NSF: variants seen among roughly 807,000 people sequenced by gnomAD.
NSF encodes N-ethylmaleimide sensitive factor, vesicle fusing ATPase.
Under a neutral mutation model 50.3 loss-of-function variants are expected in NSF, and 14 were observed. That is an observed-to-expected ratio of 0.28 (90% CI 0.18 to 0.44). The LOEUF is 0.44. Ranked by LOEUF, NSF falls within the 20% of genes least tolerant of loss-of-function variation. The pLI is 1.00. For synonymous variants in NSF, 109 were observed against 175.7 expected (o/e 0.62, Z 3.00); for missense variants, 218 against 504.3 (o/e 0.43, Z 5.44).
At chr17:46,711,165 G>T in intron 14 of NSF, 46 bp downstream of exon 14, 1 of 1,446,302 alleles carries the variant, frequency 6.9e-7, no homozygotes, top group Non-Finnish European at 9.1e-7. Flanking sequence ...AGGAAAAAAA[G>T]CAGCATTTTT....
At position 46,635,799 on chromosome 17, in the gene NSF, G is replaced by GTGTGTGTGTGTGTT. The variant is rs1332522209; in HGVS notation, c.239-1564_239-1563insTTGTGTGTGTGTGT. On this transcript the variant is annotated intron_variant, in intron 4 of 20. Coordinates refer to ENST00000398238, the MANE Select transcript of NSF (RefSeq NM_006178.4). Reference sequence around the variant, plus strand: ...TAAATGTGTGTGTGTGTGTGTGTGTGTGTGTGTGTGTGTGTGTGTGCTCGT... The same window carrying GTGTGTGTGTGTGTT: ...TAAATGTGTGTGTGTGTGTGTGTGTGTGTGTGTGTGTGTTTGTGTGTGTGTGTGTGTGTGCTCGT... Among the ~76,000 whole-genome samples the GTGTGTGTGTGTGTT allele has an allele frequency of 1.5e-3, 210 of 140,510 alleles. 17 individuals are homozygous for GTGTGTGTGTGTGTT. The highest frequency in any genetic ancestry group is 5.2e-3 in the African/African-American group (195 of 37,596). 92.2% of individuals were successfully genotyped at this position (140,510 alleles called of 152,430 possible). A position where few individuals can be genotyped will look rare whatever the true frequency, so the allele number is the denominator to read the frequency against.
In NSF at chr17:46,749,709, C is replaced by T; in HGVS notation, c.1909-64C>T. On this transcript the variant is annotated intron_variant, in intron 17 of 20. Transcript: ENST00000398238. ...AAGTCTTTTGCAAATTGTGTTCAAG[C>T]TTACTGTAGTTTCCTAATTAGTCTT... The T allele has an allele frequency of 8.4e-6, 12 of 1,434,426 alleles. No homozygotes were observed. In the Middle Eastern group the frequency reaches 1.5e-3, roughly 180 times the overall value. The allele number at this position is 1,434,426 out of a possible 1,614,324, so 88.9% of individuals were successfully genotyped here.
chr17:46,754,397 C>A (rs1251570185), intron 19 of NSF, among the ~76,000 whole-genome samples: 1 of 151,924 alleles, frequency 6.6e-6, no homozygotes, highest in Non-Finnish European at 1.5e-5. Context: ...CACATCTCCC[C>A]ACAGCTGCAC....
intron 16 of NSF, among the ~76,000 whole-genome samples, chr17:46,726,887 G>C (rs1005339050): frequency 6.6e-6 from 1 of 152,112 alleles, no homozygotes; most frequent in African/African-American, 2.4e-5. Flanking sequence ...CCTTGCCATA[G>C]TAAATGATTA....
chr17:46,720,543 C>T (rs1350695297), intron 15 of NSF, among the ~76,000 whole-genome samples: 1 of 152,148 alleles, frequency 6.6e-6, no homozygotes, highest in Non-Finnish European at 1.5e-5. Flanking sequence ...TAGCAGACAG[C>T]TAATGTTTGC....
chr17:46,708,822 ATTTTT>A (rs386627394), intron 13 of NSF, among the ~76,000 whole-genome samples: 68 of 108,902 alleles, frequency 6.2e-4, no homozygotes, highest in Non-Finnish European at 9.0e-4. Context: ...ATATATATAT[ATTTTT>A]TTTTTTTTTT....
At chr17:46,605,715 TAAA>T (rs528349065) in intron 1 of NSF, among the ~76,000 whole-genome samples, 3 of 35,974 alleles carry the variant, frequency 8.3e-5, no homozygotes, top group Admixed American at 3.0e-4. Context: ...TCCTGAAGGC[TAAA>T]AAAAAAAAAA....
intron 13 of NSF, among the ~76,000 whole-genome samples, chr17:46,707,301 C>T (rs533876979): frequency 6.6e-6 from 1 of 152,202 alleles, no homozygotes; most frequent in African/African-American, 2.4e-5. Context: ...AAGTCTTTTG[C>T]CTGTTTTTCT....
intron 1 of NSF, among the ~76,000 whole-genome samples, chr17:46,605,541 A>AT (rs2057948290): frequency 7.4e-6 from 1 of 134,758 alleles, no homozygotes; most frequent in African/African-American, 2.7e-5. Flanking sequence ...AATGAAAGCC[A>AT]TAAGACAGGG....
At chr17:46,657,363 T>C (rs540645323) in intron 8 of NSF, among the ~76,000 whole-genome samples, 34 of 152,160 alleles carry the variant, frequency 2.2e-4, no homozygotes, top group Admixed American at 7.2e-4. Flanking sequence ...ATAAAAAATA[T>C]AATGGTTTCA....
chr17:46,609,020 C>T (rs2057979037), intron 1 of NSF, among the ~76,000 whole-genome samples: 1 of 145,424 alleles, frequency 6.9e-6, no homozygotes, highest in South Asian at 2.2e-4. Context: ...ATGCCCATGA[C>T]CCAGCACTTA....
rs150841918 is a variant in NSF at position 46,746,601 on chromosome 17, T to A, written c.1909-3172T>A. ...CTATGGACTGAGTGTGTATTATAAATCTAGTGACATAAGTTTAAAACTTAT... is the reference window on the plus strand; with the variant it reads ...CTATGGACTGAGTGTGTATTATAAAACTAGTGACATAAGTTTAAAACTTAT... On this transcript the variant is annotated intron_variant, in intron 17 of 20. Coordinates refer to ENST00000398238, the MANE Select transcript of NSF (RefSeq NM_006178.4). Among the ~76,000 whole-genome samples the A allele has an allele frequency of 8.4e-3, 1,280 of 152,132 alleles. 11 individuals are homozygous for A. Among genetic ancestry groups the A allele is most frequent in the Non-Finnish European group, 0.014 (945 of 68,018 alleles).
chr17:46,708,081 A>G (rs2058674477), intron 13 of NSF, among the ~76,000 whole-genome samples: 1 of 150,844 alleles, frequency 6.6e-6, no homozygotes, highest in Non-Finnish European at 1.5e-5. Context: ...ACATGTTGTT[A>G]TCCATTCCTC....
At chr17:46,712,656 T>C (rs971081068) in intron 14 of NSF, among the ~76,000 whole-genome samples, 5 of 152,154 alleles carry the variant, frequency 3.3e-5, no homozygotes, top group Admixed American at 2.0e-4. Context: ...TGCCAGTATA[T>C]AGACTGTGGT....
intron 13 of NSF, among the ~76,000 whole-genome samples, chr17:46,708,700 G>T (rs1206296418): frequency 6.7e-6 from 1 of 148,646 alleles, no homozygotes; most frequent in African/African-American, 2.5e-5. Context: ...CACCATGTTG[G>T]CCAGGCTGGT....
chr17:46,711,128 G>A lies in NSF; in HGVS notation c.1627+9G>A. On this transcript the variant is annotated intron_variant, in intron 14 of 20. Coordinates refer to ENST00000398238, the MANE Select transcript of NSF (RefSeq NM_006178.4). Reference sequence around the variant, plus strand: ...CAGCGTGCTTCTGGAAGGTGAGAATGAATGAGGAGATGGCATTAAAAGTTA... The same window carrying A: ...CAGCGTGCTTCTGGAAGGTGAGAATAAATGAGGAGATGGCATTAAAAGTTA... 1 of 1,490,984 alleles carries A rather than the reference G, an allele frequency of 6.7e-7. No individual in the cohort carries two copies. The highest frequency in any genetic ancestry group is 8.9e-7 in the Non-Finnish European group (1 of 1,124,382). 92.4% of individuals were successfully genotyped at this position (1,490,984 alleles called of 1,614,324 possible).
At chr17:46,747,601 T>G (rs975186116) in intron 17 of NSF, among the ~76,000 whole-genome samples, 1 of 152,180 alleles carries the variant, frequency 6.6e-6, no homozygotes, top group Non-Finnish European at 1.5e-5. Flanking sequence ...GATATTGTAT[T>G]TTAATTGCAC....
chr17:46,719,809 T>C lies in NSF; in HGVS notation c.1761+5823T>C, dbSNP rs1022063919. Among the ~76,000 whole-genome samples the C allele has an allele frequency of 6.6e-6, 1 of 152,240 alleles. No individual in the cohort carries two copies. Among genetic ancestry groups the C allele is most frequent in the African/African-American group, 2.4e-5 (1 of 41,466 alleles). On this transcript the variant is annotated intron_variant, in intron 15 of 20. Coordinates refer to ENST00000398238, the MANE Select transcript of NSF (RefSeq NM_006178.4). The surrounding 1 kb of genome is among the most constrained non-coding windows in gnomAD (Gnocchi z 4.3). The stretch of plus-strand genomic sequence containing the variant: ...ACCTAATCTTGATGCTTTCTGAGTA[T>C]ACAATCAGTAGAGATGAAGTAGAAC...
chr17:46,722,238 T>C, intron 15 of NSF: 2 of 1,227,934 alleles, frequency 1.6e-6, no homozygotes, highest in South Asian at 2.4e-5. Context: ...CACGTCAAAA[T>C]CCCTACATTC....
Sources: allele counts gnomAD v4.1 joint callset (sites outside exome capture counted in the v4.1 genomes callset), GRCh38; gene constraint gnomAD v4.1.1; non-coding constraint Gnocchi (gnomAD v3.1); transcripts MANE v1.5; gene names NCBI Gene and HGNC (gene_info 2026-07-23, HGNC 2026-07-21).